THEMIS: variants seen among roughly 807,000 people sequenced by gnomAD.
The protein encoded by THEMIS is protein THEMIS.
In THEMIS, 37 loss-of-function variants were observed where a neutral mutation model predicts 52.6. The ratio of observed to expected loss-of-function variants is 0.70; its 90% CI spans 0.54 to 0.93. The LOEUF is 0.93. Ranked by LOEUF, THEMIS falls within the 40% of genes least tolerant of loss-of-function variation. The pLI, the probability that THEMIS is intolerant of heterozygous loss-of-function variation, is 0.00. For missense variants in THEMIS, 808 were observed against 763.1 expected (o/e 1.06, Z -0.69); for synonymous variants, 292 against 272.7 (o/e 1.07, Z -0.70).
At position 127,813,218 on chromosome 6, in the gene THEMIS, C is replaced by G; in HGVS notation, c.1423G>C (p.Ala475Pro). ...TCCTCCAACTGCAGTCCTGGTGTGG[C>G]AGCCAACACGTCCTCTTCAATGGAA... ...DLSIEEDVLA[A>P]TPGLQLEEDI... is the part of the protein sequence containing the mutation. The change falls in exon 4 of 6, where the codon GCC (alanine) becomes CCC (proline). Residue 475 changes from alanine (A) to proline (P), a missense_variant. By Grantham distance (27) the Ala-to-Pro change is conservative. Transcript: ENST00000368248. 1 of 1,614,046 alleles carries G rather than the reference C, an allele frequency of 6.2e-7. No individual in the cohort carries two copies. The highest frequency in any genetic ancestry group is 8.5e-7 in the Non-Finnish European group (1 of 1,180,004).
chr6:127,829,848 C>T lies in THEMIS; in HGVS notation c.337G>A (p.Gly113Arg), dbSNP rs1778639660. 2 of 1,614,046 alleles carry T rather than the reference C, an allele frequency of 1.2e-6. No individual in the cohort carries two copies. The highest frequency in any genetic ancestry group is 1.7e-6 in the Non-Finnish European group (2 of 1,179,978). Reference protein sequence around the residue: ...RTIHIGPSRLGHPCFYHQKDI... With the variant: ...RTIHIGPSRLRHPCFYHQKDI... ...TTCTGATGATAGAAGCAAGGATGCC[C>T]TAGTCTACTTGGTCCAATATGAATG... The change falls in exon 3 of 6, where the codon GGG becomes AGG. Residue 113 changes from glycine to arginine, a missense_variant. Physicochemically the swap from Gly to Arg is moderately radical, Grantham distance 125. Transcript: ENST00000368248.
intron 4 of THEMIS, among the ~76,000 whole-genome samples, chr6:127,798,924 G>A (rs1247249344): frequency 4.6e-5 from 7 of 150,734 alleles, no homozygotes; most frequent in South Asian, 4.2e-4. Flanking sequence ...CCCGGGAGGC[G>A]GAGCTTGCAG....
intron 4 of THEMIS, among the ~76,000 whole-genome samples, chr6:127,795,493 T>G (rs1320735579): frequency 2.0e-5 from 3 of 152,266 alleles, no homozygotes; most frequent in Admixed American, 6.5e-5. Context: ...CACACCCGGC[T>G]AATTTTTTGT....
At position 127,731,864 on chromosome 6, in the gene THEMIS, A is replaced by ATTTTTTTTTTTTTTTTTTTTT. The variant is rs58263706; in HGVS notation, c.1759-12062_1759-12042dup. ...AGGTGCATGCCACCATGCCCGGCTA[A>ATTTTTTTTTTTTTTTTTTTTT]TTTTTTTTTTTTTTTTTTTTTTTAG... is the stretch of plus-strand genomic sequence containing the variant. On this transcript the variant is annotated intron_variant, in intron 4 of 5. Transcript: ENST00000368248. Among the ~76,000 whole-genome samples the ATTTTTTTTTTTTTTTTTTTTT allele has an allele frequency of 5.8e-4, 24 of 41,716 alleles. 7 individuals are homozygous for ATTTTTTTTTTTTTTTTTTTTT. The highest frequency in any genetic ancestry group is 0.018 in the Middle Eastern group (1 of 56). 27.4% of individuals were successfully genotyped at this position (41,716 alleles called of 152,430 possible). A position where few individuals can be genotyped will look rare whatever the true frequency, so the allele number is the denominator to read the frequency against.
chr6:127,778,244 C>T (rs962750393), intron 4 of THEMIS, among the ~76,000 whole-genome samples: 13 of 152,032 alleles, frequency 8.6e-5, no homozygotes, highest in African/African-American at 2.9e-4. Context: ...AAGAAAGATG[C>T]CTTCTGACAA....
At chr6:127,820,920 C>T (rs1161029353) in intron 3 of THEMIS, among the ~76,000 whole-genome samples, 1 of 151,864 alleles carries the variant, frequency 6.6e-6, no homozygotes, top group African/African-American at 2.4e-5. Flanking sequence ...AGTTTTTAAA[C>T]TGAAATAGGT....
intron 1 of THEMIS, among the ~76,000 whole-genome samples, chr6:127,873,223 T>C (rs1435735344): frequency 6.6e-6 from 1 of 152,196 alleles, no homozygotes; most frequent in Non-Finnish European, 1.5e-5. Context: ...TTTCCTCAAA[T>C]TGATATACAG....
chr6:127,834,341 G>A (rs150410389), intron 2 of THEMIS, among the ~76,000 whole-genome samples: 9 of 151,620 alleles, frequency 5.9e-5, no homozygotes, highest in South Asian at 2.1e-4. Flanking sequence ...GAGGCCAAGC[G>A]GGGACAAATC....
intron 1 of THEMIS, among the ~76,000 whole-genome samples, chr6:127,886,770 T>C (rs1780660054): frequency 6.6e-6 from 1 of 152,148 alleles, no homozygotes; most frequent in Admixed American, 6.6e-5. Context: ...TGGGAGAGGA[T>C]AACTGACAGC....
At chr6:127,809,961 G>A (rs1003324804) in intron 4 of THEMIS, among the ~76,000 whole-genome samples, 2 of 151,334 alleles carry the variant, frequency 1.3e-5, no homozygotes, top group Non-Finnish European at 2.9e-5. Context: ...CCAGTTAAAA[G>A]TCTCTAGAGT....
chr6:127,804,596 A>T (rs1214628185), intron 4 of THEMIS, among the ~76,000 whole-genome samples: 2 of 152,168 alleles, frequency 1.3e-5, no homozygotes, highest in Admixed American at 1.3e-4. Flanking sequence ...TGAACACAAG[A>T]TGTCTGACAA....
intron 4 of THEMIS, among the ~76,000 whole-genome samples, chr6:127,770,181 C>T (rs1776335273): frequency 6.6e-6 from 1 of 152,156 alleles, no homozygotes; most frequent in Non-Finnish European, 1.5e-5. Context: ...AGTTCTAGAT[C>T]CTTGAGGAAT....
intron 4 of THEMIS, among the ~76,000 whole-genome samples, chr6:127,785,295 GTCTT>G (rs982162146): frequency 3.4e-5 from 5 of 147,484 alleles, no homozygotes; most frequent in Admixed American, 1.3e-4. Flanking sequence ...CTATCTATCT[GTCTT>G]TCTATCTATC....
rs556625708 is a variant in THEMIS, at chr6:127,797,963, C to T, written c.1758+14920G>A. Among the ~76,000 whole-genome samples, 3 of 152,282 alleles carry T rather than the reference C, an allele frequency of 2.0e-5. No homozygotes were observed. In the East Asian group the frequency reaches 5.8e-4, roughly 29 times the overall value. Reference sequence around the variant, plus strand: ...GCATTTTGTTCTCAGGCTTTGGTTTCTCATGCTTTGGGTTCCCAGGATGAA... The same window carrying T: ...GCATTTTGTTCTCAGGCTTTGGTTTTTCATGCTTTGGGTTCCCAGGATGAA... On this transcript the variant is annotated intron_variant, in intron 4 of 5. Coordinates refer to ENST00000368248, the MANE Select transcript of THEMIS (RefSeq NM_001010923.3).
chr6:127,899,005 A>T (rs2114498567), intron 1 of THEMIS, among the ~76,000 whole-genome samples: 1 of 151,930 alleles, frequency 6.6e-6, no homozygotes, highest in East Asian at 1.9e-4. Flanking sequence ...TTGGTTGATT[A>T]ATGGGTACAG....
intron 5 of THEMIS, among the ~76,000 whole-genome samples, chr6:127,714,307 A>G (rs1241563853): frequency 6.6e-6 from 1 of 151,964 alleles, no homozygotes; most frequent in East Asian, 1.9e-4. Flanking sequence ...AAGCAGTCAT[A>G]GACAATGTTT....
chr6:127,700,801 T>C, the THEMIS span, among the ~76,000 whole-genome samples: 1 of 152,062 alleles, frequency 6.6e-6, no homozygotes, highest in Non-Finnish European at 1.5e-5. Flanking sequence ...CAAATAGCAA[T>C]GTTTCCCTTA....
intron 4 of THEMIS, among the ~76,000 whole-genome samples, chr6:127,751,213 A>C (rs1203811613): frequency 1.3e-4 from 19 of 151,834 alleles, no homozygotes; most frequent in Non-Finnish European, 1.5e-5. Flanking sequence ...TCAATAACAT[A>C]AAATGTGTGT....
chr6:127,897,030 G>A (rs1780988763), intron 1 of THEMIS, among the ~76,000 whole-genome samples: 1 of 151,460 alleles, frequency 6.6e-6, no homozygotes, highest in Non-Finnish European at 1.5e-5. Context: ...CTATTTCTGA[G>A]TAAGGTTAAC....
Sources: allele counts gnomAD v4.1 joint callset (sites outside exome capture counted in the v4.1 genomes callset), GRCh38; gene constraint gnomAD v4.1.1; transcripts MANE v1.5; gene names NCBI Gene and HGNC (gene_info 2026-07-23, HGNC 2026-07-21).